SLC22A23: variants seen among roughly 807,000 people sequenced by gnomAD.
SLC22A23 encodes ion transporter protein.
SLC22A23 carries 26 observed loss-of-function variants against 61.0 expected under a neutral mutation model. The observed-to-expected ratio is 0.43, with a 90% CI of 0.31 to 0.59. The LOEUF (loss-of-function observed/expected upper bound fraction) is 0.59. Ranked by LOEUF, SLC22A23 falls within the 20% of genes least tolerant of loss-of-function variation. The pLI is 0.11. For missense variants in SLC22A23, 796 were observed against 934.7 expected (o/e 0.85, Z 1.94); for synonymous variants, 430 against 413.9 (o/e 1.04, Z -0.47).
At chr6:3,289,002 A>G (rs1033538622) in intron 6 of SLC22A23, among the ~76,000 whole-genome samples, 5 of 152,228 alleles carry the variant, frequency 3.3e-5, no homozygotes, top group Non-Finnish European at 5.9e-5. Flanking sequence ...GCCTGTCTTT[A>G]CCTGGTGGCA....
Position 3,286,986 on chromosome 6 carries a change from G to T in SLC22A23, c.1419C>A (p.Ala473=), listed in dbSNP as rs1227508790. ...ENFYADYYTT[A]SIALVSCLAM... ...CCAGGCAGGACACCAGCGCGATGCT[G>T]GCCGTGGTATAGTAGTCAGCATAGA... The change falls in exon 7 of 10, where the codon GCC becomes GCA. Residue 473 remains alanine (A), a synonymous_variant. Coordinates refer to ENST00000406686, the MANE Select transcript of SLC22A23 (RefSeq NM_015482.2). This position sits in a 1 kb window ranked among gnomAD's most constrained non-coding sequence, Gnocchi z 4.2. 1 of 1,614,184 alleles carries T rather than the reference G, an allele frequency of 6.2e-7. No homozygotes were observed. Among genetic ancestry groups the T allele is most frequent in the Non-Finnish European group, 8.5e-7 (1 of 1,180,044 alleles).
At chr6:3,380,480 C>T (rs1766886871) in intron 3 of SLC22A23, among the ~76,000 whole-genome samples, 1 of 152,162 alleles carries the variant, frequency 6.6e-6, no homozygotes, top group Non-Finnish European at 1.5e-5. Context: ...CATTTATTGA[C>T]ATTATCATGA....
In SLC22A23 at chr6:3,410,476, AC is replaced by A; in HGVS notation, c.759-135del. The A allele has an allele frequency of 1.2e-6, 1 of 856,478 alleles. No homozygotes were observed. 53.1% of individuals were successfully genotyped at this position (856,478 alleles called of 1,614,324 possible). On this transcript the variant is annotated intron_variant, in intron 2 of 9. Transcript: ENST00000406686. This position sits in a 1 kb window ranked among gnomAD's most constrained non-coding sequence, Gnocchi z 5.0. The stretch of plus-strand genomic sequence containing the variant: ...GGGTAAAAAGTCCTGTGCCATCTAT[AC>A]CCACTTCACTAGATCCTAGGCTACT...
chr6:3,353,188 T>G (rs527377137), intron 3 of SLC22A23, among the ~76,000 whole-genome samples: 1 of 152,328 alleles, frequency 6.6e-6, no homozygotes, highest in South Asian at 2.1e-4. Flanking sequence ...TTGGAGATTT[T>G]GAAGGCAAGA....
intron 3 of SLC22A23, among the ~76,000 whole-genome samples, chr6:3,325,238 G>A (rs1048165195): frequency 8.0e-6 from 1 of 125,136 alleles, no homozygotes; most frequent in Admixed American, 7.4e-5. Flanking sequence ...TCATCTGCTG[G>A]GTGTCTAGAG....
At chr6:3,321,830 G>C (rs1762970523) in intron 4 of SLC22A23, among the ~76,000 whole-genome samples, 1 of 152,224 alleles carries the variant, frequency 6.6e-6, no homozygotes, top group African/African-American at 2.4e-5. Flanking sequence ...GCCAGCAGCA[G>C]AGGAAGTGGC....
chr6:3,402,865 T>A (rs941642679), intron 3 of SLC22A23, among the ~76,000 whole-genome samples: 2 of 152,160 alleles, frequency 1.3e-5, no homozygotes, highest in African/African-American at 4.8e-5. Context: ...CAACTGTCCA[T>A]CCCCTGGCAC....
rs527806304 is a variant in SLC22A23, at chr6:3,286,721, C to T, written c.1546+138G>A. On this transcript the variant is annotated intron_variant, in intron 7 of 9. Transcript: ENST00000406686. The surrounding 1 kb of genome is among the most constrained non-coding windows in gnomAD (Gnocchi z 4.2). ...GCTCCACAGATGCTCTCAACTGAAG[C>T]TCTGTTCTCCCCAAAGCAGCTCCTT... is the stretch of plus-strand genomic sequence containing the variant. 61 of 787,124 alleles carry T rather than the reference C, an allele frequency of 7.7e-5. No homozygotes were observed. The Admixed American group carries it at 9.1e-4, about 12-fold the overall frequency. The allele number at this position is 787,124 out of a possible 1,614,324, so 48.8% of individuals were successfully genotyped here.
In SLC22A23 at chr6:3,360,018, G is replaced by A. The variant is rs1765338447; in HGVS notation, c.914-36016C>T. Among the ~76,000 whole-genome samples the A allele has an allele frequency of 6.6e-6, 1 of 152,118 alleles. No homozygotes were observed. On this transcript the variant is annotated intron_variant, in intron 3 of 9. Coordinates refer to ENST00000406686, the MANE Select transcript of SLC22A23 (RefSeq NM_015482.2). This position sits in a 1 kb window ranked among gnomAD's most constrained non-coding sequence, Gnocchi z 4.6. ...AAGTGAAGTAAGCCAGTCACAAAAG[G>A]ACAAATATTGCATGATCCACTTAAA... is the stretch of plus-strand genomic sequence containing the variant.
At chr6:3,413,528 A>G (rs963526488) in intron 2 of SLC22A23, among the ~76,000 whole-genome samples, 1 of 152,256 alleles carries the variant, frequency 6.6e-6, no homozygotes, top group East Asian at 1.9e-4. Context: ...CCCTGGGGCC[A>G]CTGGCCATCG....
intron 1 of SLC22A23, among the ~76,000 whole-genome samples, chr6:3,437,457 C>T (rs1004312578): frequency 7.9e-5 from 12 of 151,910 alleles, no homozygotes; most frequent in Non-Finnish European, 1.5e-4. Flanking sequence ...GTGGGCGGAT[C>T]ATGAGGTCAC....
chr6:3,324,080 T>C lies in SLC22A23; in HGVS notation c.914-78A>G, dbSNP rs920008969. On this transcript the variant is annotated intron_variant, in intron 3 of 9. Transcript: ENST00000406686. The surrounding 1 kb of genome is among the most constrained non-coding windows in gnomAD (Gnocchi z 4.3). ...GAAGTCCTGGGTGCACCTGGGCCAG[T>C]GCACTGCTTAACCCACCAACGACTG... 3 of 1,541,180 alleles carry C rather than the reference T, an allele frequency of 1.9e-6. No individual in the cohort carries two copies. The highest frequency in any genetic ancestry group is 2.3e-5 in the East Asian group (1 of 44,170).
chr6:3,402,153 GC>G (rs1390127115), intron 3 of SLC22A23, among the ~76,000 whole-genome samples: 1 of 152,126 alleles, frequency 6.6e-6, no homozygotes, highest in Non-Finnish European at 1.5e-5. Context: ...TGTCTCTCCT[GC>G]CCCATGGCCA....
intron 2 of SLC22A23, 60 bp downstream of exon 2, chr6:3,415,692 A>G: frequency 8.3e-7 from 1 of 1,203,212 alleles, no homozygotes; most frequent in South Asian, 1.3e-5. Context: ...ATTTTTCTTT[A>G]GCCAGCAAAG....
intron 9 of SLC22A23, 129 bp from the exon 10 acceptor site, chr6:3,273,541 C>T (rs995791669): frequency 9.1e-6 from 8 of 883,832 alleles, no homozygotes; most frequent in Admixed American, 2.4e-5. Flanking sequence ...CAGTATACCC[C>T]GACCTCACAC....
chr6:3,415,675 A>G (rs1023659398), intron 2 of SLC22A23, 77 bp downstream of exon 2: 1 of 1,015,944 alleles, frequency 9.8e-7, no homozygotes, highest in African/African-American at 1.6e-5. Flanking sequence ...GTAAGCTAAC[A>G]CTGACTATTT....
At chr6:3,340,116 C>T (rs1315793448) in intron 3 of SLC22A23, among the ~76,000 whole-genome samples, 1 of 152,060 alleles carries the variant, frequency 6.6e-6, no homozygotes, top group East Asian at 1.9e-4. Flanking sequence ...CCCACAAAAG[C>T]GGTATTATCC....
intron 3 of SLC22A23, among the ~76,000 whole-genome samples, chr6:3,339,843 G>A (rs1054107274): frequency 2.6e-5 from 4 of 152,202 alleles, no homozygotes; most frequent in East Asian, 1.9e-4. Flanking sequence ...TGTCTATGGA[G>A]TAGCCATTCT....
intron 3 of SLC22A23, among the ~76,000 whole-genome samples, chr6:3,325,216 A>G (rs2127401797): frequency 6.7e-6 from 1 of 149,468 alleles, no homozygotes; most frequent in South Asian, 2.1e-4. Flanking sequence ...TTCATGGATC[A>G]GCTGTGACAG....
Sources: gnomAD v4.1 joint callset for allele counts (sites outside exome capture counted in the v4.1 genomes callset) on GRCh38, gnomAD v4.1.1 for gene constraint, Gnocchi (gnomAD v3.1) non-coding constraint, MANE v1.5 for transcripts, NCBI Gene and HGNC (gene_info 2026-07-23, HGNC 2026-07-21) for gene names.